Variants in C3orf22 observed in about 807,000 individuals in gnomAD.
C3orf22 encodes the protein chromosome 3 open reading frame 22.
A neutral mutation model predicts 10.8 loss-of-function variants in C3orf22; 7 were observed. That is an observed-to-expected ratio of 0.65 (90% CI 0.37 to 1.22). The LOEUF is 1.22. Ranked by LOEUF, C3orf22 falls within the 50% of genes most tolerant of loss-of-function variation. C3orf22 has a pLI of 0.02. For synonymous variants in C3orf22, 79 were observed against 78.9 expected (o/e 1.00, Z 0.00); for missense variants, 173 against 177.0 (o/e 0.98, Z 0.13).
intron 1 of C3orf22, among the ~76,000 whole-genome samples, chr3:126,556,272 C>A (rs1411576650): frequency 6.6e-6 from 1 of 152,162 alleles, no homozygotes; most frequent in Non-Finnish European, 1.5e-5. Context: ...CAGCCCCTCA[C>A]CAATGAGGGC....
intron 4 of C3orf22, among the ~76,000 whole-genome samples, chr3:126,533,241 T>A (rs541386915): frequency 6.6e-6 from 1 of 152,294 alleles, no homozygotes; most frequent in South Asian, 2.1e-4. Flanking sequence ...CCTGCCCAAT[T>A]ACCCTGGATA....
intron 4 of C3orf22, among the ~76,000 whole-genome samples, chr3:126,537,210 G>A (rs891230088): frequency 2.6e-5 from 4 of 152,210 alleles, no homozygotes; most frequent in African/African-American, 4.8e-5. Context: ...TGAAGCTGAG[G>A]TGAAGAGCAA....
chr3:126,548,844 C>T (rs973511571), downstream of C3orf22, among the ~76,000 whole-genome samples: 8 of 152,212 alleles, frequency 5.3e-5, no homozygotes, highest in Non-Finnish European at 1.0e-4. Context: ...AGGGTCCTCA[C>T]TTCACTTCCT....
intron 1 of C3orf22, among the ~76,000 whole-genome samples, chr3:126,557,886 G>C (rs185305518): frequency 6.6e-6 from 1 of 152,226 alleles, no homozygotes; most frequent in African/African-American, 2.4e-5. Context: ...GGGGGTCTTG[G>C]TGGCCTCCGC....
intron 4 of C3orf22, chr3:126,541,909 C>A: frequency 6.2e-7 from 1 of 1,600,316 alleles, no homozygotes; most frequent in Non-Finnish European, 8.5e-7. Flanking sequence ...CCTGCACCAA[C>A]TGGAAGCGCG....
At chr3:126,548,950 C>T (rs981042236), downstream of C3orf22, among the ~76,000 whole-genome samples, 3 of 152,170 alleles carry the variant, frequency 2.0e-5, no homozygotes, top group Non-Finnish European at 2.9e-5. Flanking sequence ...TGATTTTATT[C>T]ACCCTCCCAA....
downstream of C3orf22, among the ~76,000 whole-genome samples, chr3:126,547,928 A>G (rs1016089013): frequency 6.6e-6 from 1 of 152,264 alleles, no homozygotes; most frequent in African/African-American, 2.4e-5. Context: ...TGAAGGAACT[A>G]CAGCAGTAGC....
At chr3:126,529,487 T>C in intron 4 of C3orf22, 1 of 945,360 alleles carries the variant, frequency 1.1e-6, no homozygotes, top group South Asian at 1.6e-5. Flanking sequence ...CAAATTCTGT[T>C]TCTGGCACAG....
chr3:126,542,963 AGTGTGGC>A (rs1312154307), intron 4 of C3orf22: 1 of 158,484 alleles, frequency 6.3e-6, no homozygotes. Context: ...CACCGGTGTC[AGTGTGGC>A]CCGAGCCTGT....
chr3:126,542,346 G>A, intron 4 of C3orf22: 2 of 1,565,352 alleles, frequency 1.3e-6, no homozygotes, highest in East Asian at 2.4e-5. Context: ...GACGTCGTGG[G>A]CAAGTTCGAG....
chr3:126,529,383 C>A, intron 4 of C3orf22: 1 of 1,289,164 alleles, frequency 7.8e-7, no homozygotes, highest in Middle Eastern at 2.1e-4. Flanking sequence ...CTACGGATGC[C>A]GCAAGGGGGG....
At chr3:126,549,548 T>C (rs1306199342), downstream of C3orf22, 14 of 837,630 alleles carry the variant, frequency 1.7e-5, no homozygotes, top group Non-Finnish European at 2.1e-5. Flanking sequence ...TGTGTGAGTG[T>C]ACATTTGGGA....
downstream of C3orf22, among the ~76,000 whole-genome samples, chr3:126,548,588 G>A (rs1191269559): frequency 6.6e-6 from 1 of 152,222 alleles, no homozygotes; most frequent in African/African-American, 2.4e-5. Context: ...CTTCCTGCAG[G>A]TCTGTGGGTG....
At chr3:126,535,099 T>TCCCTGTCCTCAGCCGGG (rs1560139687) in intron 4 of C3orf22, among the ~76,000 whole-genome samples, 1 of 6,410 alleles carries the variant, frequency 1.6e-4, no homozygotes, top group East Asian at 4.4e-3. Flanking sequence ...GGGAGACAGA[T>TCCCTGTCCTCAGCCGGG]AGACAGCATC....
At position 126,554,452 on chromosome 3, in the gene C3orf22, C is replaced by T. The variant is rs528020309; in HGVS notation, c.-40-1022G>A. ...CTAATTTTTGTATTTTTAGTAGAGA[C>T]GGGGTTTCACCATGTTGGCCAGGCT... On this transcript the variant is annotated intron_variant, in intron 1 of 3. Transcript: ENST00000318225. Among the ~76,000 whole-genome samples the T allele has an allele frequency of 3.4e-3, 523 of 152,048 alleles. 2 individuals are homozygous for T. The highest frequency in any genetic ancestry group is 6.8e-3 in the Middle Eastern group (2 of 294).
intron 4 of C3orf22, chr3:126,542,868 A>G: frequency 3.2e-6 from 1 of 310,448 alleles, no homozygotes; most frequent in Non-Finnish European, 5.8e-6. Flanking sequence ...GGACTTGATA[A>G]CCAGGGTTTT....
intron 4 of C3orf22, chr3:126,543,342 G>C (rs1937013266): frequency 6.6e-6 from 1 of 152,228 alleles, no homozygotes; most frequent in Non-Finnish European, 1.5e-5. Context: ...GGAGACTGCA[G>C]CTGTCTGATC....
chr3:126,530,622 C>T (rs1201880322), intron 4 of C3orf22, among the ~76,000 whole-genome samples: 3 of 152,270 alleles, frequency 2.0e-5, no homozygotes, highest in African/African-American at 7.2e-5. Flanking sequence ...TGGTGTGGCA[C>T]CAGCGGAGCT....
chr3:126,556,429 C>T (rs2107586025), intron 1 of C3orf22, among the ~76,000 whole-genome samples: 1 of 152,112 alleles, frequency 6.6e-6, no homozygotes, highest in East Asian at 1.9e-4. Flanking sequence ...TCCTCCCTTC[C>T]CCTTCCCTCC....
Sources: allele counts gnomAD v4.1 joint callset (sites outside exome capture counted in the v4.1 genomes callset), GRCh38; gene constraint gnomAD v4.1.1; transcripts MANE v1.5; gene names NCBI Gene and HGNC (gene_info 2026-07-23, HGNC 2026-07-21).